The following CDK14 variants were observed in gnomAD, a reference collection of about 807,000 sequenced individuals.
The protein encoded by CDK14 is cyclin-dependent kinase 14.
Under a neutral mutation model 60.7 loss-of-function variants are expected in CDK14, and 34 were observed. The ratio of observed to expected loss-of-function variants is 0.56; its 90% CI spans 0.43 to 0.75. The LOEUF is 0.75. CDK14 is among the 30% of genes least tolerant of loss of function. The probability of loss-of-function intolerance (pLI) is 0.00; values close to 1 mark genes in which losing one functional copy is unlikely to be tolerated. For synonymous variants in CDK14, 197 were observed against 203.7 expected, an observed-to-expected ratio of 0.97 and a Z score of 0.28; for missense variants, 482 against 564.1, an observed-to-expected ratio of 0.85 and a Z score of 1.47.
In CDK14 at chr7:90,948,140, G is replaced by A. The variant is rs138447347; in HGVS notation, c.827-7557G>A. Among the ~76,000 whole-genome samples the A allele has an allele frequency of 2.6e-5, 4 of 152,186 alleles. No individual in the cohort carries two copies. The East Asian group carries it at 7.7e-4, about 29-fold the overall frequency. On this transcript the variant is annotated intron_variant, in intron 8 of 14. Coordinates refer to ENST00000380050, the MANE Select transcript of CDK14 (RefSeq NM_001287135.2). ...GTTTTAACTTTAATTTTTGAAAATT[G>A]GTAATAAATCAGCATCATTATGGAA... is the stretch of plus-strand genomic sequence containing the variant.
intron 8 of CDK14, among the ~76,000 whole-genome samples, chr7:90,924,100 A>G (rs1793338002): frequency 6.6e-6 from 1 of 152,258 alleles, no homozygotes; most frequent in South Asian, 2.1e-4. Flanking sequence ...TGATTTATAA[A>G]TAAAAAAATT....
At chr7:90,775,445 T>TG (rs527605216) in intron 4 of CDK14, among the ~76,000 whole-genome samples, 94 of 120,096 alleles carry the variant, frequency 7.8e-4, no homozygotes, top group African/African-American at 2.3e-3. Context: ...ACAGTTTCTG[T>TG]GGGAAAAAAA....
At chr7:91,174,324 G>T (rs1584167291) in intron 14 of CDK14, among the ~76,000 whole-genome samples, 1 of 151,724 alleles carries the variant, frequency 6.6e-6, no homozygotes, top group East Asian at 1.9e-4. Context: ...CATCATCAAA[G>T]ATCAAAAGTA....
At chr7:90,940,392 T>C (rs1052669856) in intron 8 of CDK14, among the ~76,000 whole-genome samples, 1 of 152,242 alleles carries the variant, frequency 6.6e-6, no homozygotes, top group African/African-American at 2.4e-5. Flanking sequence ...GTATCTGTAC[T>C]GTAATTCCAG....
chr7:91,047,323 C>G (rs1797268651), intron 11 of CDK14, among the ~76,000 whole-genome samples: 1 of 152,132 alleles, frequency 6.6e-6, no homozygotes, highest in Non-Finnish European at 1.5e-5. Flanking sequence ...TTTGGCCAGC[C>G]TAGTTTCTGG....
At chr7:90,849,403 C>T (rs1468145871) in intron 5 of CDK14, among the ~76,000 whole-genome samples, 3 of 151,996 alleles carry the variant, frequency 2.0e-5, no homozygotes, top group South Asian at 4.1e-4. Flanking sequence ...ATTACCCAGC[C>T]TCAGTATTTC....
intron 3 of CDK14, among the ~76,000 whole-genome samples, chr7:90,740,951 A>G (rs1803318721): frequency 1.3e-5 from 2 of 152,170 alleles, no homozygotes; most frequent in Non-Finnish European, 2.9e-5. Flanking sequence ...TATTTATATT[A>G]GAGTAAATGA....
At chr7:90,630,649 A>G (rs78195421) in intron 2 of CDK14, among the ~76,000 whole-genome samples, 13 of 152,332 alleles carry the variant, frequency 8.5e-5, no homozygotes, top group African/African-American at 2.6e-4. Flanking sequence ...ATTATTATGT[A>G]TATAACTGCA....
At chr7:90,630,881 G>GGTGTGTGTGTGTGTGTGTGT (rs1160442832) in intron 2 of CDK14, among the ~76,000 whole-genome samples, 2 of 78,836 alleles carry the variant, frequency 2.5e-5, no homozygotes, top group African/African-American at 1.0e-4. Context: ...TACATCTTGG[G>GGTGTGTGTGTGTGTGTGTGT]GTGTGTATGT....
intron 8 of CDK14, among the ~76,000 whole-genome samples, chr7:90,927,012 G>C (rs1793437593): frequency 6.6e-6 from 1 of 152,190 alleles, no homozygotes; most frequent in Non-Finnish European, 1.5e-5. Context: ...GGGAGGAAGG[G>C]TGCTCAGAGC....
At chr7:90,635,734 G>C (rs199790108) in intron 2 of CDK14, among the ~76,000 whole-genome samples, 46,590 of 151,428 alleles carry the variant, frequency 0.31, 8,053 homozygotes, top group East Asian at 0.67. Context: ...CAGTATGGCC[G>C]TTTTCACGAT....
intron 5 of CDK14, among the ~76,000 whole-genome samples, chr7:90,824,043 A>G (rs1789637557): frequency 6.6e-6 from 1 of 152,256 alleles, no homozygotes; most frequent in Non-Finnish European, 1.5e-5. Flanking sequence ...TTTCATAAAT[A>G]CAAAGGAACT....
At chr7:91,058,900 AG>A (rs1328895386) in intron 11 of CDK14, among the ~76,000 whole-genome samples, 2 of 152,206 alleles carry the variant, frequency 1.3e-5, no homozygotes, top group Non-Finnish European at 2.9e-5. Context: ...CTTTGGTATC[AG>A]GATGATGCTG....
Position 90,604,253 on chromosome 7 carries a change from G to C in CDK14, c.123+4G>C, listed in dbSNP as rs1449869183. On this transcript the variant is annotated splice_donor_region_variant and intron_variant, in intron 2 of 14. Coordinates refer to ENST00000380050, the MANE Select transcript of CDK14 (RefSeq NM_001287135.2). ...AGATGACACCACCTTTGATGAGGTA[G>C]GTTAAATTTCTTTATCTAATGTTAG... 1.3e-6 allele frequency: 2 copies of C among 1,522,242 alleles called. No homozygotes were observed. The highest frequency in any genetic ancestry group is 1.8e-6 in the Non-Finnish European group (2 of 1,123,078). The allele number at this position is 1,522,242 out of a possible 1,614,324, so 94.3% of individuals were successfully genotyped here.
chr7:90,884,950 G>A (rs534002326), intron 6 of CDK14, among the ~76,000 whole-genome samples: 8 of 152,216 alleles, frequency 5.3e-5, no homozygotes, highest in African/African-American at 1.2e-4. Context: ...ATGGCTTAAC[G>A]GCTTAAATGT....
intron 12 of CDK14, among the ~76,000 whole-genome samples, chr7:91,094,878 A>G (rs1798935516): frequency 6.6e-6 from 1 of 152,200 alleles, no homozygotes; most frequent in African/African-American, 2.4e-5. Context: ...CTTCTTCATA[A>G]ACACCAATAC....
intron 14 of CDK14, among the ~76,000 whole-genome samples, chr7:91,203,135 AT>A (rs1316044556): frequency 6.6e-6 from 1 of 151,362 alleles, no homozygotes; most frequent in East Asian, 2.0e-4. Context: ...AAAAAAAAAA[AT>A]GTAAGTTTTG....
chr7:90,719,499 A>G lies in CDK14; in HGVS notation c.124-7068A>G, dbSNP rs183671029. On this transcript the variant is annotated intron_variant, in intron 2 of 14. Coordinates refer to ENST00000380050, the MANE Select transcript of CDK14 (RefSeq NM_001287135.2). The stretch of plus-strand genomic sequence containing the variant: ...CAGTAGACAGTTGTCTGGATTTTAC[A>G]TAGCTCTAAGCTAGAATCGTAGGTC... 2.8e-3 allele frequency among the ~76,000 whole-genome samples: 430 copies of G among 152,316 alleles called. 1 individual carries two copies. The highest frequency in any genetic ancestry group is 5.2e-3 in the Non-Finnish European group (356 of 68,012).
chr7:91,047,478 A>T (rs902507107), intron 11 of CDK14, among the ~76,000 whole-genome samples: 1 of 152,206 alleles, frequency 6.6e-6, no homozygotes, highest in Admixed American at 6.5e-5. Context: ...ACTTCATGAC[A>T]CCAGGGACTG....
Sources: allele counts gnomAD v4.1 joint callset (sites outside exome capture counted in the v4.1 genomes callset), GRCh38; gene constraint gnomAD v4.1.1; transcripts MANE v1.5; gene names NCBI Gene and HGNC (gene_info 2026-07-23, HGNC 2026-07-21).